The following ZNF454 variants were observed in gnomAD, a reference collection of about 807,000 sequenced individuals.
ZNF454 encodes the protein zinc finger protein 454.
In ZNF454, 30 loss-of-function variants were observed where a neutral mutation model predicts 48.2. The observed-to-expected ratio is 0.62, with a 90% CI of 0.47 to 0.84. The LOEUF is 0.84. Ranked by LOEUF, ZNF454 falls within the 40% of genes least tolerant of loss-of-function variation. ZNF454 has a pLI of 0.00. For synonymous variants in ZNF454, 204 were observed against 211.4 expected, an observed-to-expected ratio of 0.97 and a Z score of 0.30; for missense variants, 510 against 623.1, an observed-to-expected ratio of 0.82 and a Z score of 1.93.
chr5:178,944,930 A>G lies in ZNF454; in HGVS notation c.34-1429A>G, dbSNP rs991846429. ...GACCCCCTCTCAGAGTTTCTAAGAA[A>G]GGGACTAGTTCTAATCAGAAGGAAC... On this transcript the variant is annotated intron_variant, in intron 2 of 4. Coordinates refer to ENST00000519564, the MANE Select transcript of ZNF454 (RefSeq NM_001178089.3). The surrounding 1 kb of genome is among the most constrained non-coding windows in gnomAD (Gnocchi z 4.1). Among the ~76,000 whole-genome samples the G allele has an allele frequency of 6.6e-6, 1 of 152,198 alleles. No individual in the cohort carries two copies. The highest frequency in any genetic ancestry group is 6.5e-5 in the Admixed American group (1 of 15,276).
chr5:178,946,420 G>A lies in ZNF454; in HGVS notation c.95G>A (p.Ser32Asn). 1.2e-6 allele frequency: 2 copies of A among 1,613,236 alleles called. No homozygotes were observed. Among genetic ancestry groups the A allele is most frequent in the Non-Finnish European group, 1.7e-6 (2 of 1,179,668 alleles). The change falls in exon 3 of 5, where the codon AGC becomes AAC. Residue 32 changes from serine to asparagine, a missense_variant. This residue lies in a region of ZNF454 where 354 missense variants were observed against 408.9 expected (regional missense o/e 0.87). Transcript: ENST00000519564. This position sits in a 1 kb window ranked among gnomAD's most constrained non-coding sequence, Gnocchi z 4.5. ...LFTQEEWGQL[S>N]PAQRALYRDV... ...ACCCAGGAAGAGTGGGGGCAGCTGA[G>A]CCCCGCCCAGAGGGCCCTGTACAGG...
chr5:178,972,967 C>G, the ZNF454 span, among the ~76,000 whole-genome samples: 1 of 150,218 alleles, frequency 6.7e-6, no homozygotes, highest in Non-Finnish European at 1.5e-5. Flanking sequence ...ACTCTTGTAA[C>G]AAACCTCTTT....
rs538621572 is a variant in ZNF454, at chr5:178,941,695, G to A, written c.-108+251G>A. ...GCGCAGCCCCTGCCACAGCCCCCGA[G>A]GGACCTGGCGAAGCGGCAGGGGCGG... On this transcript the variant is annotated intron_variant, in intron 1 of 4. Transcript: ENST00000519564. This position sits in a 1 kb window ranked among gnomAD's most constrained non-coding sequence, Gnocchi z 5.5. Among the ~76,000 whole-genome samples the A allele has an allele frequency of 6.6e-6, 1 of 152,194 alleles. No homozygotes were observed. The highest frequency in any genetic ancestry group is 2.1e-4 in the South Asian group (1 of 4,826).
In ZNF454 at chr5:178,966,298, G is replaced by A. The variant is rs933727674; in HGVS notation, c.*325G>A. On this transcript the variant is annotated 3_prime_UTR_variant, in exon 5 of 5. Coordinates refer to ENST00000519564, the MANE Select transcript of ZNF454 (RefSeq NM_001178089.3). ...AAATATAAAAAATTACCCGGGCATG[G>A]TGGTGGGCGCCTGTAGTCCCAGCTA... The A allele has an allele frequency of 5.8e-5, 10 of 171,020 alleles. No individual in the cohort carries two copies. Among genetic ancestry groups the A allele is most frequent in the Non-Finnish European group, 2.5e-5 (2 of 79,134 alleles). The allele number at this position is 171,020 out of a possible 1,614,324, so 10.6% of individuals were successfully genotyped here.
intron 2 of ZNF454, among the ~76,000 whole-genome samples, chr5:178,945,621 GGTGTGTGTTTTGT>G (rs1483942947): frequency 6.8e-6 from 1 of 146,136 alleles, no homozygotes; most frequent in African/African-American, 2.5e-5. Context: ...TGTGGATATG[GGTGTGTGTTTTGT>G]GTGTGTGTGT....
At chr5:178,957,861 T>C (rs1027921218) in intron 4 of ZNF454, among the ~76,000 whole-genome samples, 1 of 152,284 alleles carries the variant, frequency 6.6e-6, no homozygotes, top group Middle Eastern at 3.4e-3. Context: ...CTTGGTAAAC[T>C]CTATTTGAAG....
At chr5:178,967,581 T>A (rs1185321942), downstream of ZNF454, among the ~76,000 whole-genome samples, 1 of 152,140 alleles carries the variant, frequency 6.6e-6, no homozygotes, top group Non-Finnish European at 1.5e-5. Context: ...ATGCTGACAG[T>A]GGTGAGAAAA....
At chr5:178,986,424 G>T in the ZNF454 span, 2 of 1,613,618 alleles carry the variant, frequency 1.2e-6, no homozygotes, top group Non-Finnish European at 8.5e-7. Flanking sequence ...GCGTGTTGTT[G>T]TACCGCACGA....
chr5:178,952,106 C>A (rs970157149), intron 4 of ZNF454, among the ~76,000 whole-genome samples: 1 of 149,886 alleles, frequency 6.7e-6, no homozygotes, highest in Non-Finnish European at 1.5e-5. Context: ...GGCGCGATCT[C>A]GGCTCACTGC....
chr5:178,989,223 CTCCCCACCCT>C, the ZNF454 span: 2 of 1,134,338 alleles, frequency 1.8e-6, no homozygotes, highest in Non-Finnish European at 2.6e-6. Context: ...CCTCACCACC[CTCCCCACCCT>C]CCCCACCCTC....
chr5:178,969,655 G>A (rs905343352), downstream of ZNF454: 3 of 456,586 alleles, frequency 6.6e-6, no homozygotes, highest in Non-Finnish European at 1.3e-5. Context: ...CTTCACATGA[G>A]GCCAGTCTCC....
At chr5:178,977,094 G>A in the ZNF454 span, among the ~76,000 whole-genome samples, 11 of 152,076 alleles carry the variant, frequency 7.2e-5, no homozygotes, top group East Asian at 3.9e-4. Context: ...GCCATGGAAC[G>A]GTGATTTTTA....
At chr5:178,976,891 G>C in the ZNF454 span, among the ~76,000 whole-genome samples, 4 of 152,176 alleles carry the variant, frequency 2.6e-5, no homozygotes, top group Admixed American at 6.5e-5. Flanking sequence ...TTCAGTATTT[G>C]AGAGCTCTGA....
chr5:178,988,073 T>C, the ZNF454 span, among the ~76,000 whole-genome samples: 5 of 152,156 alleles, frequency 3.3e-5, no homozygotes, highest in Admixed American at 6.5e-5. The surrounding 1 kb of genome is among the most constrained non-coding windows in gnomAD (Gnocchi z 6.0). Flanking sequence ...ATGTATTTAA[T>C]ATCACTGAAC....
chr5:178,973,009 A>AC, the ZNF454 span, among the ~76,000 whole-genome samples: 2 of 150,190 alleles, frequency 1.3e-5, no homozygotes, highest in Non-Finnish European at 3.0e-5. Context: ...AAAAAAAAAA[A>AC]CCCAGAGGCC....
At chr5:178,952,272 C>T (rs574101483) in intron 4 of ZNF454, among the ~76,000 whole-genome samples, 1 of 152,182 alleles carries the variant, frequency 6.6e-6, no homozygotes, top group South Asian at 2.1e-4. Flanking sequence ...CTCCTGACCT[C>T]GTGATCCGCC....
chr5:178,946,790 C>T lies in ZNF454; in HGVS notation c.161-107C>T. ...CACACCTGACCCTGGGCTTTCCTAT[C>T]AAGTCCCATTTCCCAGCAAGCTCTG... On this transcript the variant is annotated intron_variant, in intron 3 of 4. Coordinates refer to ENST00000519564, the MANE Select transcript of ZNF454 (RefSeq NM_001178089.3). The surrounding 1 kb of genome is among the most constrained non-coding windows in gnomAD (Gnocchi z 4.5). The T allele has an allele frequency of 9.5e-7, 1 of 1,052,400 alleles. No individual in the cohort carries two copies. 65.2% of individuals were successfully genotyped at this position (1,052,400 alleles called of 1,614,324 possible).
downstream of ZNF454, among the ~76,000 whole-genome samples, chr5:178,970,909 C>A (rs922599119): frequency 5.3e-5 from 8 of 152,184 alleles, no homozygotes; most frequent in Non-Finnish European, 1.0e-4. Flanking sequence ...CCGAGCCCCC[C>A]ACAATGACCA....
chr5:178,959,033 T>G (rs557808764), intron 4 of ZNF454, among the ~76,000 whole-genome samples: 2 of 152,154 alleles, frequency 1.3e-5, no homozygotes, highest in Admixed American at 1.3e-4. Flanking sequence ...TTTTTTTTCT[T>G]TTTCTGCCTA....
Sources: gnomAD v4.1 joint callset for allele counts (sites outside exome capture counted in the v4.1 genomes callset) on GRCh38, gnomAD v4.1.1 for gene constraint, gnomAD v4.1.1 regional missense constraint, Gnocchi (gnomAD v3.1) non-coding constraint, MANE v1.5 for transcripts, NCBI Gene and HGNC (gene_info 2026-07-23, HGNC 2026-07-21) for gene names.